Variants in IL1RAPL1 observed in about 807,000 individuals in gnomAD.
IL1RAPL1 encodes the protein interleukin-1 receptor accessory protein-like 1.
A neutral mutation model predicts 48.4 loss-of-function variants in IL1RAPL1; 3 were observed. The observed-to-expected ratio is 0.06, with a 90% CI of 0.03 to 0.16. IL1RAPL1 has a LOEUF of 0.16. IL1RAPL1 is among the 10% of genes least tolerant of loss of function. IL1RAPL1 has a pLI of 1.00. For missense variants in IL1RAPL1, 349 were observed against 530.6 expected (o/e 0.66, Z 3.36); for synonymous variants, 185 against 187.7 (o/e 0.99, Z 0.12).
chrX:29,340,004 A>G (rs1461826904), intron 3 of IL1RAPL1, among the ~76,000 whole-genome samples: 2 of 112,021 alleles, frequency 1.8e-5, no homozygotes, highest in African/African-American at 6.5e-5. Context: ...CCTATAGCTT[A>G]GCTCATTATC....
chrX:28,658,708 G>A (rs2146907697), intron 1 of IL1RAPL1, among the ~76,000 whole-genome samples: 1 of 111,014 alleles, frequency 9.0e-6, no homozygotes, highest in Admixed American at 9.6e-5. Flanking sequence ...TTTAGTTGCC[G>A]TCAATAAGAA....
At chrX:29,909,044 CTATTG>C (rs1338964064) in intron 6 of IL1RAPL1, among the ~76,000 whole-genome samples, 1 of 111,200 alleles carries the variant, frequency 9.0e-6, no homozygotes, top group Non-Finnish European at 1.9e-5. Flanking sequence ...TTGTTATATC[CTATTG>C]TATTAGTAAA....
intron 5 of IL1RAPL1, among the ~76,000 whole-genome samples, chrX:29,510,185 G>T (rs1935379549): frequency 8.9e-6 from 1 of 112,258 alleles, no homozygotes; most frequent in Non-Finnish European, 1.9e-5. Flanking sequence ...TTATTATTCT[G>T]AGATTACTGA....
chrX:29,258,113 C>T (rs1227171369), intron 2 of IL1RAPL1, among the ~76,000 whole-genome samples: 1 of 110,546 alleles, frequency 9.0e-6, no homozygotes, highest in Non-Finnish European at 1.9e-5. Context: ...CAAAAAGTCT[C>T]TTTTAGTGAT....
At chrX:28,805,990 A>G (rs755926325) in intron 2 of IL1RAPL1, among the ~76,000 whole-genome samples, 8 of 110,148 alleles carry the variant, frequency 7.3e-5, no homozygotes, top group Non-Finnish European at 1.3e-4. Flanking sequence ...AGCACTCTCT[A>G]TTTTCCTGTG....
Position 29,145,489 on chromosome X carries a change from G to C in IL1RAPL1, c.83-137449G>C, listed in dbSNP as rs143083616. On this transcript the variant is annotated intron_variant, in intron 2 of 10. Transcript: ENST00000378993. ...TATGCTTCTCCTTAAACACTGAAGT[G>C]AGTCAGAAGAAAGAACTCTTACCCT... 9.4e-4 allele frequency among the ~76,000 whole-genome samples: 106 copies of C among 112,405 alleles called. 1 individual carries two copies. Among genetic ancestry groups the C allele is most frequent in the African/African-American group, 3.3e-3 (103 of 30,995 alleles).
intron 2 of IL1RAPL1, among the ~76,000 whole-genome samples, chrX:29,232,137 T>A: frequency 9.0e-6 from 1 of 111,607 alleles, no homozygotes; most frequent in Middle Eastern, 4.7e-3. Flanking sequence ...ATATATTACA[T>A]TAAATATATA....
In IL1RAPL1 at chrX:28,589,766, C is replaced by T. The variant is rs1287087300; in HGVS notation, c.-25+1719C>T. Among the ~76,000 whole-genome samples the T allele has an allele frequency of 3.6e-5, 4 of 111,897 alleles. No homozygotes were observed. The East Asian group carries it at 1.1e-3, about 32-fold the overall frequency. On this transcript the variant is annotated intron_variant, in intron 1 of 10. Coordinates refer to ENST00000378993, the MANE Select transcript of IL1RAPL1 (RefSeq NM_014271.4). The stretch of plus-strand genomic sequence containing the variant: ...TCCCTCATAAAAATGATGATTGCTT[C>T]CACAGCGTGTCAGAAATGACTGTTT...
intron 2 of IL1RAPL1, among the ~76,000 whole-genome samples, chrX:28,997,786 C>T (rs1436264436): frequency 9.0e-6 from 1 of 110,933 alleles, no homozygotes; most frequent in African/African-American, 3.3e-5. Flanking sequence ...ATGTTCCCCC[C>T]ACCCCCACAA....
intron 8 of IL1RAPL1, among the ~76,000 whole-genome samples, chrX:29,923,436 C>T (rs767722826): frequency 1.8e-5 from 2 of 112,114 alleles, no homozygotes; most frequent in Admixed American, 9.4e-5. Context: ...GAGAATGAAA[C>T]GGCAAGGCCC....
intron 6 of IL1RAPL1, among the ~76,000 whole-genome samples, chrX:29,766,693 T>TTCATATA (rs1928920558): frequency 3.3e-5 from 2 of 60,791 alleles, no homozygotes; most frequent in African/African-American, 2.3e-4. Context: ...AAAGTATATA[T>TTCATATA]TAATATATAA....
intron 3 of IL1RAPL1, among the ~76,000 whole-genome samples, chrX:29,319,364 A>T (rs868467125): frequency 2.9e-4 from 17 of 58,143 alleles, no homozygotes; most frequent in East Asian, 4.8e-4. Flanking sequence ...GATAAATTTA[A>T]TTTTTTTTTT....
intron 5 of IL1RAPL1, among the ~76,000 whole-genome samples, chrX:29,560,424 T>C (rs185981525): frequency 1.2e-3 from 130 of 112,022 alleles, no homozygotes; most frequent in Non-Finnish European, 2.0e-3. Flanking sequence ...TCTATCTCAA[T>C]ATTTGGGAAG....
intron 1 of IL1RAPL1, among the ~76,000 whole-genome samples, chrX:28,744,398 G>A (rs1239453607): frequency 1.8e-5 from 2 of 111,502 alleles, no homozygotes; most frequent in Non-Finnish European, 1.9e-5. Flanking sequence ...GAAGCTCAGC[G>A]ACATTAGGTA....
intron 1 of IL1RAPL1, among the ~76,000 whole-genome samples, chrX:28,607,274 T>C (rs1601832436): frequency 9.0e-6 from 1 of 111,021 alleles, no homozygotes; most frequent in East Asian, 2.8e-4. Flanking sequence ...TGACTGTAGA[T>C]GCAGAGGCTT....
chrX:29,697,542 C>A (rs1926944913), intron 6 of IL1RAPL1, among the ~76,000 whole-genome samples: 1 of 111,333 alleles, frequency 9.0e-6, no homozygotes, highest in Non-Finnish European at 1.9e-5. Context: ...GTGTGTACTA[C>A]CTGAAACGAA....
chrX:29,481,329 A>G (rs774532855), intron 5 of IL1RAPL1, among the ~76,000 whole-genome samples: 26 of 112,882 alleles, frequency 2.3e-4, no homozygotes, highest in Non-Finnish European at 4.5e-4. Context: ...ACATAGGCCA[A>G]CAAACCTTCA....
chrX:29,698,887 C>G (rs1173551028), intron 6 of IL1RAPL1, among the ~76,000 whole-genome samples: 1 of 112,071 alleles, frequency 8.9e-6, no homozygotes, highest in East Asian at 2.8e-4. Flanking sequence ...GTTCTCCATA[C>G]AGAGAGTAGC....
intron 1 of IL1RAPL1, among the ~76,000 whole-genome samples, chrX:28,690,961 G>A (rs1355800668): frequency 2.7e-5 from 3 of 111,364 alleles, no homozygotes; most frequent in African/African-American, 9.8e-5. Flanking sequence ...CTGAATGATT[G>A]CAATAACGTC....
Sources: gnomAD v4.1 joint callset for allele counts (sites outside exome capture counted in the v4.1 genomes callset) on GRCh38, gnomAD v4.1.1 for gene constraint, MANE v1.5 for transcripts, NCBI Gene and HGNC (gene_info 2026-07-23, HGNC 2026-07-21) for gene names.